HECW2: variants seen among roughly 807,000 people sequenced by gnomAD.
The protein encoded by HECW2 is E3 ubiquitin-protein ligase HECW2.
Under a neutral mutation model 175.2 loss-of-function variants are expected in HECW2, and 61 were observed. The ratio of observed to expected loss-of-function variants is 0.35; its 90% CI spans 0.28 to 0.43. The LOEUF (loss-of-function observed/expected upper bound fraction) is 0.43. HECW2 is among the 20% of genes least tolerant of loss of function. The pLI is 1.00. For synonymous variants in HECW2, 671 were observed against 731.0 expected (o/e 0.92, Z 1.32); for missense variants, 1,524 against 2,000.5 (o/e 0.76, Z 4.54).
intron 1 of HECW2, among the ~76,000 whole-genome samples, chr2:196,436,748 G>GT (rs11446539): frequency 0.94 from 137,665 of 146,788 alleles, 64,593 homozygotes; most frequent in Non-Finnish European, 0.96. Flanking sequence ...AAAGAGTAAG[G>GT]TTTTTTTTTT....
At chr2:196,564,655 G>A (rs1171519795) in intron 1 of HECW2, among the ~76,000 whole-genome samples, 2 of 151,842 alleles carry the variant, frequency 1.3e-5, no homozygotes, top group African/African-American at 4.8e-5. Flanking sequence ...TAAAAATTGA[G>A]GGAAAGAGGA....
chr2:196,271,741 T>C (rs1040236918), intron 16 of HECW2, among the ~76,000 whole-genome samples: 2 of 152,198 alleles, frequency 1.3e-5, no homozygotes, highest in Non-Finnish European at 2.9e-5. Flanking sequence ...CTTGTTTCTA[T>C]TGAAAAACAA....
chr2:196,308,171 T>G, intron 10 of HECW2, 86 bp from the exon 11 acceptor site: 1 of 996,020 alleles, frequency 1.0e-6, no homozygotes, highest in Non-Finnish European at 1.4e-6. Context: ...TGTGTTTTCT[T>G]TCTCTGACAT....
intron 1 of HECW2, among the ~76,000 whole-genome samples, chr2:196,472,054 A>T (rs1245733949): frequency 6.6e-6 from 1 of 152,128 alleles, no homozygotes; most frequent in Non-Finnish European, 1.5e-5. Flanking sequence ...TGGCATTCTC[A>T]AACTTTAGAG....
chr2:196,404,819 CTTTTTTTTTTTTT>C lies in HECW2; in HGVS notation c.292+28300_292+28312del, dbSNP rs71012909. Among the ~76,000 whole-genome samples, 9 of 80,378 alleles carry C rather than the reference CTTTTTTTTTTTTT, an allele frequency of 1.1e-4. No individual in the cohort carries two copies. The Admixed American group carries it at 1.6e-3, about 14-fold the overall frequency. 52.7% of individuals were successfully genotyped at this position (80,378 alleles called of 152,430 possible). A position where few individuals can be genotyped will look rare whatever the true frequency, so the allele number is the denominator to read the frequency against. On this transcript the variant is annotated intron_variant, in intron 2 of 28. Transcript: ENST00000644978. Reference sequence around the variant, plus strand: ...TTTCTTTTTTTTTCTTTTTTCTTCTCTTTTTTTTTTTTTTTTTTTTTTTGAGACATAGTCTCGC... The same window carrying C: ...TTTCTTTTTTTTTCTTTTTTCTTCTCTTTTTTTTTTGAGACATAGTCTCGC...
At chr2:196,257,406 A>T (rs1216309022) in intron 18 of HECW2, among the ~76,000 whole-genome samples, 1 of 148,220 alleles carries the variant, frequency 6.7e-6, no homozygotes, top group Non-Finnish European at 1.5e-5. Flanking sequence ...CACAAGGTAA[A>T]TAAATAATGC....
chr2:196,566,502 T>TTA (rs1268487721), intron 1 of HECW2, among the ~76,000 whole-genome samples: 2 of 151,638 alleles, frequency 1.3e-5, no homozygotes, highest in Non-Finnish European at 2.9e-5. Context: ...ATTGAGCATA[T>TTA]TATATATACC....
chr2:196,404,824 T>C (rs1350622349), intron 2 of HECW2, among the ~76,000 whole-genome samples: 13 of 126,842 alleles, frequency 1.0e-4, no homozygotes, highest in African/African-American at 3.3e-4. Context: ...CTTCTCTTTT[T>C]TTTTTTTTTT....
At chr2:196,371,844 A>G (rs970857486) in intron 2 of HECW2, among the ~76,000 whole-genome samples, 1 of 152,190 alleles carries the variant, frequency 6.6e-6, no homozygotes, top group Non-Finnish European at 1.5e-5. Flanking sequence ...TCTCATAATT[A>G]CTTACTGTGA....
chr2:196,213,261 C>G (rs7606656), intron 28 of HECW2, among the ~76,000 whole-genome samples: 2,129 of 152,282 alleles, frequency 0.014, 40 homozygotes, highest in African/African-American at 0.048. Flanking sequence ...TAAAGTAGTA[C>G]AGTGGCTTAC....
intron 14 of HECW2, 78 bp downstream of exon 14, chr2:196,292,487 G>A: frequency 8.1e-7 from 1 of 1,241,886 alleles, no homozygotes; most frequent in South Asian, 1.4e-5. Flanking sequence ...GCCCTCACTT[G>A]AAGGGTAGGG....
At chr2:196,315,999 A>G (rs1362432181) in intron 10 of HECW2, 1 of 152,208 alleles carries the variant, frequency 6.6e-6, no homozygotes, top group African/African-American at 2.4e-5. Context: ...ATACCTAAAT[A>G]TCTTCCAGAA....
chr2:196,224,566 C>G (rs1193565887), intron 23 of HECW2, among the ~76,000 whole-genome samples: 1 of 151,968 alleles, frequency 6.6e-6, no homozygotes, highest in East Asian at 1.9e-4. Context: ...GTCATAGATG[C>G]CAGCTCTGAA....
At chr2:196,248,178 T>C (rs1264662011) in intron 19 of HECW2, among the ~76,000 whole-genome samples, 2 of 152,226 alleles carry the variant, frequency 1.3e-5, no homozygotes, top group East Asian at 3.8e-4. Flanking sequence ...CTGATGTTCA[T>C]GTACATACCA....
At chr2:196,497,528 G>A (rs1308694007) in intron 1 of HECW2, among the ~76,000 whole-genome samples, 1 of 152,140 alleles carries the variant, frequency 6.6e-6, no homozygotes, top group Admixed American at 6.6e-5. Context: ...TCGGGATCCA[G>A]AAAACAATAC....
At chr2:196,509,023 G>A (rs545902059) in intron 1 of HECW2, among the ~76,000 whole-genome samples, 5 of 152,274 alleles carry the variant, frequency 3.3e-5, no homozygotes, top group Admixed American at 2.0e-4. Context: ...AGCTGAGATT[G>A]CACCACTGCA....
At chr2:196,218,610 C>T (rs986583088) in intron 26 of HECW2, among the ~76,000 whole-genome samples, 12 of 151,824 alleles carry the variant, frequency 7.9e-5, no homozygotes, top group African/African-American at 2.2e-4. Flanking sequence ...GCCAGGAATT[C>T]GAGACCAGAC....
chr2:196,428,897 C>T (rs1383626015), intron 2 of HECW2, among the ~76,000 whole-genome samples: 3 of 152,166 alleles, frequency 2.0e-5, no homozygotes, highest in African/African-American at 7.2e-5. Context: ...CTGACTTAAA[C>T]CAAGAGAAGA....
intron 19 of HECW2, 112 bp from the exon 20 acceptor site, chr2:196,242,316 C>A (rs1461373180): frequency 7.4e-7 from 1 of 1,357,862 alleles, no homozygotes; most frequent in Non-Finnish European, 1.0e-6. Context: ...AGGCAACTGT[C>A]TTAACTTCTG....
Sources: gnomAD v4.1 joint callset for allele counts (sites outside exome capture counted in the v4.1 genomes callset) on GRCh38, gnomAD v4.1.1 for gene constraint, MANE v1.5 for transcripts, NCBI Gene and HGNC (gene_info 2026-07-23, HGNC 2026-07-21) for gene names.